TASOR: variants seen among roughly 807,000 people sequenced by gnomAD.
TASOR encodes the protein protein TASOR.
Under a neutral mutation model 178.6 loss-of-function variants are expected in TASOR, and 53 were observed. That is an observed-to-expected ratio of 0.30 (90% CI 0.24 to 0.37). The LOEUF is 0.37. Among genes scored for constraint, TASOR ranks in the 10% least tolerant of loss-of-function variants. TASOR has a pLI of 1.00. For missense variants in TASOR, 1,815 were observed against 1,971.4 expected, an observed-to-expected ratio of 0.92 and a Z score of 1.50; for synonymous variants, 713 against 696.2, an observed-to-expected ratio of 1.02 and a Z score of -0.38.
intron 4 of TASOR, 69 bp downstream of exon 4, chr3:56,670,004 T>C: frequency 9.1e-7 from 1 of 1,096,530 alleles, no homozygotes; most frequent in South Asian, 1.5e-5. Flanking sequence ...GCAGTGAAAT[T>C]ACGAGACAAT....
chr3:56,658,901 C>CTG (rs1421765518), intron 11 of TASOR, among the ~76,000 whole-genome samples: 11 of 143,446 alleles, frequency 7.7e-5, no homozygotes, highest in African/African-American at 3.0e-4. Context: ...GCGAGAGAGT[C>CTG]TGTCTCAAAA....
chr3:56,635,695 C>T (rs2077002599), intron 17 of TASOR, among the ~76,000 whole-genome samples: 1 of 152,034 alleles, frequency 6.6e-6, no homozygotes, highest in Non-Finnish European at 1.5e-5. Flanking sequence ...CCAGACTGGC[C>T]CTGAATTTCT....
At chr3:56,634,506 CACTT>C (rs767796964) in intron 17 of TASOR, among the ~76,000 whole-genome samples, 12 of 152,166 alleles carry the variant, frequency 7.9e-5, no homozygotes, top group Non-Finnish European at 1.2e-4. Context: ...GACTTGTTCT[CACTT>C]ACGAGGTTGC....
intron 7 of TASOR, among the ~76,000 whole-genome samples, chr3:56,665,593 A>G (rs1202981404): frequency 6.6e-6 from 1 of 151,984 alleles, no homozygotes; most frequent in Non-Finnish European, 1.5e-5. Context: ...TCCTGACCTC[A>G]GGTGATCCAC....
intron 6 of TASOR, 116 bp from the exon 7 acceptor site, chr3:56,666,500 T>C (rs2029990140): frequency 5.9e-6 from 4 of 673,852 alleles, no homozygotes; most frequent in African/African-American, 1.9e-5. Flanking sequence ...ACAAAAAATG[T>C]CTTTAAGCTC....
Position 56,621,370 on chromosome 3 carries a change from C to CAAAT in TASOR, c.*1663_*1666dup, listed in dbSNP as rs1202434185. On this transcript the variant is annotated 3_prime_UTR_variant, in exon 24 of 24. Transcript: ENST00000683822. ...CTTACAAATGTGATAGCTATATATCCAAATGAGGTGGTCTAGTACAAGCAT... is the reference window on the plus strand; with the variant it reads ...CTTACAAATGTGATAGCTATATATCCAAATAAATGAGGTGGTCTAGTACAAGCAT... 8.8e-6 allele frequency: 4 copies of CAAAT among 452,776 alleles called. No individual in the cohort carries two copies. The highest frequency in any genetic ancestry group is 6.7e-5 in the East Asian group (2 of 29,928). The allele number at this position is 452,776 out of a possible 1,614,324, so 28.0% of individuals were successfully genotyped here. A position where few individuals can be genotyped will look rare whatever the true frequency, so the allele number is the denominator to read the frequency against.
intron 1 of TASOR, among the ~76,000 whole-genome samples, chr3:56,679,293 A>G (rs2031591610): frequency 6.6e-6 from 1 of 152,234 alleles, no homozygotes; most frequent in Admixed American, 6.5e-5. Flanking sequence ...TCATCTCTAC[A>G]TCAACAAGGT....
At position 56,647,177 on chromosome 3, in the gene TASOR, GC is replaced by G. The variant is rs1204485301; in HGVS notation, c.1559del (p.Ser520ThrfsTer6). On this transcript the variant is annotated frameshift_variant, in exon 14 of 24. Coordinates refer to ENST00000683822, the MANE Select transcript of TASOR (RefSeq NM_001365635.2). LOFTEE classifies it high-confidence loss of function. The stretch of plus-strand genomic sequence containing the variant: ...GAGCTATTTTTAATACATCTGGCAT[GC>G]TCTCATGCCTCTCCTGTGGTGCTGC... Reference protein sequence around the residue: ...TNAAPQERHESMPDVLKIAQF... With the variant: ...TNAAPQERHEXMPDVLKIAQF... 1 of 1,588,088 alleles carries G rather than the reference GC, an allele frequency of 6.3e-7. No individual in the cohort carries two copies. Among genetic ancestry groups the G allele is most frequent in the Non-Finnish European group, 8.5e-7 (1 of 1,172,426 alleles).
rs757928704 is a variant in TASOR at position 56,682,967 on chromosome 3, C to G, written c.40G>C (p.Asp14His). The G allele has an allele frequency of 6.5e-7, 1 of 1,549,352 alleles. No individual in the cohort carries two copies. The highest frequency in any genetic ancestry group is 8.7e-7 in the Non-Finnish European group (1 of 1,146,280). The change falls in exon 1 of 24, where the codon GAT (aspartate) becomes CAT (histidine). Residue 14 changes from aspartate to histidine, a missense_variant. Asp to His is a moderately conservative substitution (Grantham distance 81). Coordinates refer to ENST00000683822, the MANE Select transcript of TASOR (RefSeq NM_001365635.2). Reference protein sequence around the residue: ...AVETEACQPTDASWESGGGGD... With the variant: ...AVETEACQPTHASWESGGGGD... Reference sequence around the variant, plus strand: ...CCGCCGCCACTTTCCCAACTCGCATCCGTCGGCTGACAGGCCTCCGTCTCC... The same window carrying G: ...CCGCCGCCACTTTCCCAACTCGCATGCGTCGGCTGACAGGCCTCCGTCTCC...
chr3:56,678,089 A>C (rs986744521), intron 1 of TASOR, among the ~76,000 whole-genome samples: 1 of 151,970 alleles, frequency 6.6e-6, no homozygotes, highest in East Asian at 1.9e-4. Context: ...GTATCATAGA[A>C]TTTCAACTGG....
chr3:56,673,674 T>C lies in TASOR; in HGVS notation c.383A>G (p.Asn128Ser). 6.4e-7 allele frequency: 1 copy of C among 1,550,702 alleles called. No individual in the cohort carries two copies. Among genetic ancestry groups the C allele is most frequent in the Non-Finnish European group, 8.7e-7 (1 of 1,146,672 alleles). ...TTCAAGGTAAGAAGAATGGAGAATA[T>C]TTACAACATCTTCAAATTCTCGAGA... ...PGSREFEDVV[N>S]ILHSSYLEPT... Residue 128 changes from asparagine to serine, a missense_variant, in exon 2 of 24, where the codon AAT becomes AGT. Around this residue, in one of 5 missense-constraint regions of TASOR, gnomAD observed 244 missense variants for 202.7 expected, o/e 1.20. Transcript: ENST00000683822.
intron 17 of TASOR, among the ~76,000 whole-genome samples, chr3:56,637,211 G>A (rs975509502): frequency 2.0e-5 from 3 of 152,158 alleles, no homozygotes; most frequent in Non-Finnish European, 4.4e-5. Flanking sequence ...TGCTAGAAAC[G>A]TTCTACATCT....
chr3:56,642,785 T>C (rs1466062464), intron 14 of TASOR, among the ~76,000 whole-genome samples: 2 of 151,936 alleles, frequency 1.3e-5, no homozygotes, highest in Non-Finnish European at 2.9e-5. Flanking sequence ...CCATCCTGGC[T>C]AACAAGGTGA....
intron 17 of TASOR, among the ~76,000 whole-genome samples, chr3:56,634,783 A>G (rs945479319): frequency 6.6e-6 from 1 of 152,230 alleles, no homozygotes; most frequent in Admixed American, 6.5e-5. Context: ...CCAAAAGATC[A>G]TACTTTCCCC....
In TASOR at chr3:56,623,163, A is replaced by C. The variant is rs1259166957; in HGVS notation, c.4887T>G (p.Ser1629Arg). 9 of 1,613,848 alleles carry C rather than the reference A, an allele frequency of 5.6e-6. No individual in the cohort carries two copies. The highest frequency in any genetic ancestry group is 7.6e-6 in the Non-Finnish European group (9 of 1,179,848). ...AGTAATTCTCATTTTCTTGAGACTGACTTGATGAAAGGGCATATGGTGTCC... is the reference window on the plus strand; with the variant it reads ...AGTAATTCTCATTTTCTTGAGACTGCCTTGATGAAAGGGCATATGGTGTCC... ...FLGTPYALSSSQSQENENYFL... is the reference protein window; with the variant it reads ...FLGTPYALSSRQSQENENYFL... The change falls in exon 24 of 24, where the codon AGT (serine) becomes AGG (arginine). Residue 1629 changes from serine (S) to arginine (R), a missense_variant. By Grantham distance (110) the Ser-to-Arg change is moderately radical. This residue lies in a region of TASOR where 278 missense variants were observed against 257.1 expected (regional missense o/e 1.08). Transcript: ENST00000683822.
At chr3:56,639,322 T>TA (rs34359319) in intron 16 of TASOR, among the ~76,000 whole-genome samples, 93,682 of 151,914 alleles carry the variant, frequency 0.62, 31,473 homozygotes, top group East Asian at 0.96. Flanking sequence ...AATGTTTAGC[T>TA]AGAAAAGTGA....
intron 9 of TASOR, among the ~76,000 whole-genome samples, chr3:56,661,399 T>C (rs2077592489): frequency 6.6e-6 from 1 of 152,136 alleles, no homozygotes; most frequent in Admixed American, 6.6e-5. Context: ...CAAGTGATCC[T>C]CCCACCTCAG....
chr3:56,657,154 C>T (rs2077489408), intron 11 of TASOR, among the ~76,000 whole-genome samples: 2 of 151,510 alleles, frequency 1.3e-5, no homozygotes, highest in Non-Finnish European at 2.9e-5. Flanking sequence ...ATGGTGAAAC[C>T]CCATCTCTAC....
At chr3:56,645,114 A>G (rs1468840327) in intron 14 of TASOR, among the ~76,000 whole-genome samples, 3 of 152,146 alleles carry the variant, frequency 2.0e-5, no homozygotes, top group Admixed American at 6.5e-5. Flanking sequence ...TCTCCACTAA[A>G]GATACAAAAA....
Sources: gnomAD v4.1 joint callset for allele counts (sites outside exome capture counted in the v4.1 genomes callset) on GRCh38, gnomAD v4.1.1 for gene constraint, gnomAD v4.1.1 regional missense constraint, MANE v1.5 for transcripts, NCBI Gene and HGNC (gene_info 2026-07-23, HGNC 2026-07-21) for gene names.